SLC22A15: variants seen among roughly 807,000 people sequenced by gnomAD.
SLC22A15 encodes solute carrier family 22 member 15.
Under a neutral mutation model 62.7 loss-of-function variants are expected in SLC22A15, and 45 were observed. That is an observed-to-expected ratio of 0.72 (90% CI 0.56 to 0.92). SLC22A15 has a LOEUF of 0.92. Ranked by LOEUF, SLC22A15 falls within the 40% of genes least tolerant of loss-of-function variation. The pLI is 0.00. For missense variants in SLC22A15, 622 were observed against 665.6 expected (o/e 0.93, Z 0.72); for synonymous variants, 264 against 267.0 (o/e 0.99, Z 0.11).
intron 9 of SLC22A15, 107 bp downstream of exon 9, chr1:116,062,989 G>C (rs1658419175): frequency 7.1e-7 from 1 of 1,416,908 alleles, no homozygotes; most frequent in Non-Finnish European, 9.7e-7. Flanking sequence ...GAGTTAGTTT[G>C]GGGCAGCAGT....
chr1:116,043,792 C>T (rs1364630473), intron 8 of SLC22A15, among the ~76,000 whole-genome samples: 1 of 152,004 alleles, frequency 6.6e-6, no homozygotes, highest in African/African-American at 2.4e-5. Flanking sequence ...ACTATAGAAC[C>T]TATAGGCATT....
At chr1:116,066,090 A>G (rs1310364208) in intron 10 of SLC22A15, among the ~76,000 whole-genome samples, 1 of 152,186 alleles carries the variant, frequency 6.6e-6, no homozygotes, top group Admixed American at 6.5e-5. Flanking sequence ...GGCCAATTCC[A>G]GGATTAAGAA....
chr1:115,985,816 G>A (rs1186183988), intron 1 of SLC22A15, among the ~76,000 whole-genome samples: 4 of 151,634 alleles, frequency 2.6e-5, no homozygotes, highest in African/African-American at 7.3e-5. Context: ...GTGTGGTGGC[G>A]GGTGCCTGTA....
Position 115,977,096 on chromosome 1 carries a change from C to G in SLC22A15, c.87+382C>G, listed in dbSNP as rs187474317. Among the ~76,000 whole-genome samples, 819 of 152,306 alleles carry G rather than the reference C, an allele frequency of 5.4e-3. 2 individuals carry two copies. The highest frequency in any genetic ancestry group is 0.019 in the African/African-American group (786 of 41,568). On this transcript the variant is annotated intron_variant, in intron 1 of 11. Coordinates refer to ENST00000369503, the MANE Select transcript of SLC22A15 (RefSeq NM_018420.3). ...AAATATGAAGGGAATTGTTACCCTACCTGTGGCACTGTCACCTTGGAATCT... is the reference window on the plus strand; with the variant it reads ...AAATATGAAGGGAATTGTTACCCTAGCTGTGGCACTGTCACCTTGGAATCT...
chr1:115,996,802 G>T (rs1299627053), intron 2 of SLC22A15, among the ~76,000 whole-genome samples: 4 of 151,942 alleles, frequency 2.6e-5, no homozygotes, highest in African/African-American at 9.7e-5. Flanking sequence ...ATTTTGTATT[G>T]TATGAGTTGT....
intron 1 of SLC22A15, among the ~76,000 whole-genome samples, chr1:115,988,061 G>A (rs2101075117): frequency 6.6e-6 from 1 of 152,184 alleles, no homozygotes; most frequent in South Asian, 2.1e-4. Flanking sequence ...ATCCCCTAGT[G>A]CATTTTAGTC....
At chr1:115,995,931 A>T (rs1403678860) in intron 2 of SLC22A15, among the ~76,000 whole-genome samples, 1 of 152,212 alleles carries the variant, frequency 6.6e-6, no homozygotes, top group Non-Finnish European at 1.5e-5. Context: ...CAATGGGGAA[A>T]ACCATAGTAT....
intron 1 of SLC22A15, among the ~76,000 whole-genome samples, chr1:115,977,915 C>G (rs910607434): frequency 1.3e-5 from 2 of 152,124 alleles, no homozygotes; most frequent in African/African-American, 4.8e-5. Flanking sequence ...AGAAACGGTT[C>G]AAATGATGGA....
intron 1 of SLC22A15, among the ~76,000 whole-genome samples, chr1:115,988,782 C>T (rs1276718507): frequency 1.3e-5 from 2 of 151,850 alleles, no homozygotes; most frequent in Admixed American, 6.6e-5. Context: ...ATCCACCCAC[C>T]TTGGCCTCCC....
intron 4 of SLC22A15, among the ~76,000 whole-genome samples, chr1:116,025,470 C>CAAACAGT (rs1374700575): frequency 6.6e-6 from 1 of 152,170 alleles, no homozygotes; most frequent in Admixed American, 6.5e-5. Flanking sequence ...CTCACTAGGT[C>CAAACAGT]AAACAGTATA....
At chr1:116,021,080 T>G (rs1053929128) in intron 4 of SLC22A15, among the ~76,000 whole-genome samples, 195 bp downstream of exon 4, 1 of 152,338 alleles carries the variant, frequency 6.6e-6, no homozygotes, top group Non-Finnish European at 1.5e-5. Flanking sequence ...TAGACAGTCT[T>G]CCTGGGGGCC....
At chr1:116,006,005 T>C (rs1267587830) in intron 2 of SLC22A15, among the ~76,000 whole-genome samples, 1 of 152,230 alleles carries the variant, frequency 6.6e-6, no homozygotes, top group Non-Finnish European at 1.5e-5. Flanking sequence ...TGCTGGCGAA[T>C]GGGCTCTCTG....
At chr1:116,021,801 G>C (rs566032170) in intron 4 of SLC22A15, among the ~76,000 whole-genome samples, 1 of 152,300 alleles carries the variant, frequency 6.6e-6, no homozygotes, top group Middle Eastern at 3.4e-3. Flanking sequence ...GAGCCTTTGA[G>C]AGATGAGGTG....
At chr1:116,057,880 G>C (rs188737609) in intron 8 of SLC22A15, among the ~76,000 whole-genome samples, 35 of 152,122 alleles carry the variant, frequency 2.3e-4, no homozygotes, top group Admixed American at 2.0e-3. Context: ...ACACAGGAAG[G>C]GGAACATCAC....
chr1:116,023,801 A>C (rs1656957724), intron 4 of SLC22A15, among the ~76,000 whole-genome samples: 1 of 152,228 alleles, frequency 6.6e-6, no homozygotes, highest in Admixed American at 6.5e-5. Context: ...TGTTTGATCT[A>C]AGACATGAAT....
At position 116,018,680 on chromosome 1, in the gene SLC22A15, T is replaced by C. The variant is rs1431356544; in HGVS notation, c.301-902T>C. On this transcript the variant is annotated intron_variant, in intron 2 of 11. Coordinates refer to ENST00000369503, the MANE Select transcript of SLC22A15 (RefSeq NM_018420.3). ...ATTATATTTATGGGCTACATGGTGATGTTTTAATACATACAATGTATAGTG... is the reference window on the plus strand; with the variant it reads ...ATTATATTTATGGGCTACATGGTGACGTTTTAATACATACAATGTATAGTG... Among the ~76,000 whole-genome samples the C allele has an allele frequency of 2.6e-5, 4 of 152,240 alleles. No homozygotes were observed. In the East Asian group the frequency reaches 5.8e-4, roughly 22 times the overall value.
chr1:115,987,540 C>CA (rs1474626290), intron 1 of SLC22A15, among the ~76,000 whole-genome samples: 5 of 151,766 alleles, frequency 3.3e-5, no homozygotes, highest in South Asian at 2.1e-4. Flanking sequence ...AAATTTTACA[C>CA]AAAAAAAAAT....
chr1:116,049,507 C>A (rs892314905), intron 8 of SLC22A15, among the ~76,000 whole-genome samples: 1 of 152,058 alleles, frequency 6.6e-6, no homozygotes, highest in Admixed American at 6.6e-5. Flanking sequence ...AGCATCAGGT[C>A]AAAAACAAAA....
chr1:115,996,410 T>A (rs1259384254), intron 2 of SLC22A15, among the ~76,000 whole-genome samples: 1 of 152,176 alleles, frequency 6.6e-6, no homozygotes, highest in Non-Finnish European at 1.5e-5. Context: ...TTGGGGAGAA[T>A]CAACGTCTTT....
Sources: allele counts gnomAD v4.1 joint callset (sites outside exome capture counted in the v4.1 genomes callset), GRCh38; gene constraint gnomAD v4.1.1; transcripts MANE v1.5; gene names NCBI Gene and HGNC (gene_info 2026-07-23, HGNC 2026-07-21).